The following APELA variants were observed in gnomAD, a reference collection of about 807,000 sequenced individuals.
The protein encoded by APELA is apelin receptor early endogenous ligand.
downstream of APELA, chr4:164,898,954 A>C (rs1189041787): frequency 6.6e-6 from 1 of 152,106 alleles, no homozygotes; most frequent in Non-Finnish European, 1.5e-5. Flanking sequence ...AAAAACTAAC[A>C]CCCACGAAAA....
At chr4:164,882,342 A>G (rs1253272037) in intron 2 of APELA, among the ~76,000 whole-genome samples, 3 of 151,630 alleles carry the variant, frequency 2.0e-5, no homozygotes, top group South Asian at 4.1e-4. Flanking sequence ...ACCTCAGGTG[A>G]TCTGCCCCCC....
chr4:164,883,075 G>C (rs531802616), intron 2 of APELA, among the ~76,000 whole-genome samples: 1 of 152,110 alleles, frequency 6.6e-6, no homozygotes, highest in Non-Finnish European at 1.5e-5. Flanking sequence ...TGCAGTCATG[G>C]GCATCTGACC....
At chr4:164,887,640 T>G (rs918252390) in intron 2 of APELA, among the ~76,000 whole-genome samples, 1 of 152,020 alleles carries the variant, frequency 6.6e-6, no homozygotes, top group African/African-American at 2.4e-5. Flanking sequence ...AGATGGAGTT[T>G]CTCTCTTGTC....
Position 164,896,977 on chromosome 4 carries a change from G to T in APELA, c.*1563G>T, listed in dbSNP as rs1361073594. 2 of 152,032 alleles carry T rather than the reference G, an allele frequency of 1.3e-5. No homozygotes were observed. The highest frequency in any genetic ancestry group is 4.8e-5 in the African/African-American group (2 of 41,354). The allele number at this position is 152,032 out of a possible 1,614,324, so 9.4% of individuals were successfully genotyped here. A position where few individuals can be genotyped will look rare whatever the true frequency, so the allele number is the denominator to read the frequency against. ...TTTTGTAGAGATGGAGTATCGCCATGTTGCCCAGGTTGGTCTCAAACTCAG... is the reference window on the plus strand; with the variant it reads ...TTTTGTAGAGATGGAGTATCGCCATTTTGCCCAGGTTGGTCTCAAACTCAG... On this transcript the variant is annotated 3_prime_UTR_variant, in exon 3 of 3. Coordinates refer to ENST00000507152, the MANE Select transcript of APELA (RefSeq NM_001297550.2).
In APELA at chr4:164,883,484, C is replaced by CTTTTTTT. The variant is rs758157733; in HGVS notation, c.*1+4480_*1+4481insTTTTTTT. Among the ~76,000 whole-genome samples, 11 of 129,366 alleles carry CTTTTTTT rather than the reference C, an allele frequency of 8.5e-5. 1 individual carries two copies. Among genetic ancestry groups the CTTTTTTT allele is most frequent in the African/African-American group, 2.9e-4 (9 of 30,918 alleles). 84.9% of individuals were successfully genotyped at this position (129,366 alleles called of 152,430 possible). On this transcript the variant is annotated intron_variant, in intron 2 of 2. Transcript: ENST00000507152. ...CTTTTATGTTCCCTTTCTAGTCTTT[C>CTTTTTTT]TTTTTCTTTTTTTTTTTTTTTGAGA...
At chr4:164,885,693 A>G (rs776865427) in intron 2 of APELA, among the ~76,000 whole-genome samples, 32 of 152,100 alleles carry the variant, frequency 2.1e-4, no homozygotes, top group South Asian at 4.1e-4. Flanking sequence ...GAGAGCCAAG[A>G]TCACGCCATT....
At chr4:164,883,780 G>A (rs1730705405) in intron 2 of APELA, among the ~76,000 whole-genome samples, 1 of 151,638 alleles carries the variant, frequency 6.6e-6, no homozygotes, top group Non-Finnish European at 1.5e-5. Flanking sequence ...GCCACTGTGT[G>A]TGGCCCCTAG....
intron 2 of APELA, among the ~76,000 whole-genome samples, chr4:164,880,629 A>G (rs995803098): frequency 2.6e-5 from 4 of 152,244 alleles, no homozygotes; most frequent in Non-Finnish European, 5.9e-5. Flanking sequence ...TTCATAAATA[A>G]CAAAGAGGAG....
At position 164,895,522 on chromosome 4, in the gene APELA, G is replaced by A. The variant is rs1560862192; in HGVS notation, c.*108G>A. 1 of 151,718 alleles carries A rather than the reference G, an allele frequency of 6.6e-6. No homozygotes were observed. Among genetic ancestry groups the A allele is most frequent in the African/African-American group, 2.4e-5 (1 of 41,020 alleles). The allele number at this position is 151,718 out of a possible 1,614,324, so 9.4% of individuals were successfully genotyped here. On this transcript the variant is annotated 3_prime_UTR_variant, in exon 3 of 3. Coordinates refer to ENST00000507152, the MANE Select transcript of APELA (RefSeq NM_001297550.2). ...ATGATGCCAACAGCGTGATTGCTTA[G>A]AAGTTCCTACACAAAAAAAGGATCA... is the stretch of plus-strand genomic sequence containing the variant.
intron 2 of APELA, among the ~76,000 whole-genome samples, chr4:164,886,248 A>G (rs890274210): frequency 4.6e-5 from 7 of 152,208 alleles, no homozygotes; most frequent in African/African-American, 1.7e-4. Context: ...TAAATGAAAT[A>G]TTGAAAATTA....
At chr4:164,884,577 A>G (rs1730732369) in intron 2 of APELA, among the ~76,000 whole-genome samples, 1 of 152,248 alleles carries the variant, frequency 6.6e-6, no homozygotes, top group African/African-American at 2.4e-5. Context: ...CCCAGAGGAG[A>G]TAAGAGTTAA....
At chr4:164,878,775 T>C (rs1730603808) in intron 1 of APELA, 145 bp from the exon 2 acceptor site, 1 of 395,274 alleles carries the variant, frequency 2.5e-6, no homozygotes, top group African/African-American at 2.1e-5. Context: ...ATGCATCACA[T>C]TGGTTTTTAA....
chr4:164,897,855 T>A (rs1731003642), downstream of APELA, among the ~76,000 whole-genome samples: 2 of 152,182 alleles, frequency 1.3e-5, no homozygotes, highest in Non-Finnish European at 2.9e-5. Flanking sequence ...CAAATCTGTG[T>A]TCTTTAAACT....
chr4:164,880,158 T>C (rs952779818), intron 2 of APELA, among the ~76,000 whole-genome samples: 9 of 152,230 alleles, frequency 5.9e-5, no homozygotes, highest in African/African-American at 2.2e-4. Flanking sequence ...ATGGCAAAAT[T>C]AGCTTATTCA....
chr4:164,888,535 T>A (rs1331180227), intron 2 of APELA, among the ~76,000 whole-genome samples: 1 of 152,080 alleles, frequency 6.6e-6, no homozygotes, highest in East Asian at 1.9e-4. Flanking sequence ...GCTGCAGAGG[T>A]TGTGATTTGG....
chr4:164,886,976 C>T (rs922372898), intron 2 of APELA, among the ~76,000 whole-genome samples: 2 of 151,956 alleles, frequency 1.3e-5, no homozygotes, highest in African/African-American at 4.8e-5. Flanking sequence ...CAGGCACCTG[C>T]CACCAGGCCT....
chr4:164,894,112 C>G (rs892994163), intron 2 of APELA, among the ~76,000 whole-genome samples: 4 of 152,178 alleles, frequency 2.6e-5, no homozygotes, highest in Admixed American at 6.5e-5. Context: ...CACTTGAGAT[C>G]AGGAGTTCAA....
intron 1 of APELA, among the ~76,000 whole-genome samples, chr4:164,878,699 TA>T (rs1219495209): frequency 2.6e-5 from 4 of 152,104 alleles, no homozygotes; most frequent in Non-Finnish European, 5.9e-5. Context: ...ACGATGGAGT[TA>T]AAAAAATAGG....
At chr4:164,880,604 T>G (rs527415148) in intron 2 of APELA, among the ~76,000 whole-genome samples, 56 of 152,170 alleles carry the variant, frequency 3.7e-4, no homozygotes, top group Non-Finnish European at 7.3e-4. Context: ...ACACCCCAGA[T>G]TTTTCCAGCA....
Sources: allele counts gnomAD v4.1 joint callset (sites outside exome capture counted in the v4.1 genomes callset), GRCh38; gene constraint gnomAD v4.1.1; transcripts MANE v1.5; gene names NCBI Gene and HGNC (gene_info 2026-07-23, HGNC 2026-07-21).